Variants in FANK1 observed in about 807,000 individuals in gnomAD.
FANK1 encodes fibronectin type III and ankyrin repeat domains 1, also known as fibronectin type 3 and ankyrin repeat domains protein 1.
FANK1 carries 44 observed loss-of-function variants against 45.3 expected under a neutral mutation model. The ratio of observed to expected loss-of-function variants is 0.97; its 90% CI spans 0.76 to 1.25. The LOEUF is 1.25. Ranked by LOEUF, FANK1 falls within the 50% of genes most tolerant of loss-of-function variation. FANK1 has a pLI of 0.00. For missense variants in FANK1, 391 were observed against 424.4 expected, an observed-to-expected ratio of 0.92 and a Z score of 0.69; for synonymous variants, 149 against 152.5, an observed-to-expected ratio of 0.98 and a Z score of 0.17.
intron 1 of FANK1, among the ~76,000 whole-genome samples, chr10:125,977,219 G>A (rs1950907426): frequency 1.3e-5 from 2 of 152,292 alleles, no homozygotes; most frequent in South Asian, 4.1e-4. Flanking sequence ...TCTCATCTGA[G>A]TGTGGGTGTT....
chr10:126,003,678 A>ATTTTTT (rs71029278), intron 6 of FANK1, among the ~76,000 whole-genome samples: 1 of 151,266 alleles, frequency 6.6e-6, no homozygotes. Context: ...TTTTTTATTT[A>ATTTTTT]TTTTTTTTAT....
At chr10:125,990,880 G>A (rs1232394537) in intron 3 of FANK1, among the ~76,000 whole-genome samples, 1 of 152,138 alleles carries the variant, frequency 6.6e-6, no homozygotes, top group Non-Finnish European at 1.5e-5. Flanking sequence ...TGTCTTCCAC[G>A]GCGGCAGGCA....
intron 6 of FANK1, among the ~76,000 whole-genome samples, chr10:125,999,885 G>A (rs1486668001): frequency 6.6e-6 from 1 of 152,214 alleles, no homozygotes; most frequent in Non-Finnish European, 1.5e-5. Context: ...TTAAGAAGAT[G>A]TGAACTGAGA....
chr10:125,898,072 T>C (rs961051296), intron 1 of FANK1, among the ~76,000 whole-genome samples: 2 of 148,380 alleles, frequency 1.3e-5, no homozygotes, highest in Admixed American at 6.7e-5. Context: ...TCCTAGCTAT[T>C]TGGGACGCTG....
Position 125,980,340 on chromosome 10 carries a change from T to C in FANK1, c.191+2T>C, listed in dbSNP as rs1242347292. ...GCACACTTATGGTATCATTTATACGTAGGTGCAGTGTTGAATTGCTTGCCA... is the reference window on the plus strand; with the variant it reads ...GCACACTTATGGTATCATTTATACGCAGGTGCAGTGTTGAATTGCTTGCCA... On this transcript the variant is annotated splice_donor_variant, in intron 2 of 10. Coordinates refer to ENST00000368693, the MANE Select transcript of FANK1 (RefSeq NM_145235.5). LOFTEE classifies it high-confidence loss of function. 6.2e-7 allele frequency: 1 copy of C among 1,612,916 alleles called. No individual in the cohort carries two copies. The highest frequency in any genetic ancestry group is 1.7e-5 in the Admixed American group (1 of 59,738).
chr10:125,974,345 G>A (rs897130115), intron 1 of FANK1, among the ~76,000 whole-genome samples: 7 of 152,156 alleles, frequency 4.6e-5, no homozygotes, highest in Non-Finnish European at 1.0e-4. Flanking sequence ...TTCAGAGGGT[G>A]CTGGTCAGCT....
intron 1 of FANK1, among the ~76,000 whole-genome samples, chr10:125,948,116 T>C (rs1253587248): frequency 2.8e-5 from 4 of 142,816 alleles, no homozygotes; most frequent in Admixed American, 2.8e-4. Context: ...TTCAAAGCAG[T>C]GTGTAGAGGG....
At chr10:125,976,754 C>T (rs1387648883) in intron 1 of FANK1, among the ~76,000 whole-genome samples, 1 of 152,092 alleles carries the variant, frequency 6.6e-6, no homozygotes, top group Non-Finnish European at 1.5e-5. Context: ...TCCTGAGTAG[C>T]TGGGACTACA....
chr10:125,998,935 A>G (rs1952544805), intron 6 of FANK1, among the ~76,000 whole-genome samples: 1 of 152,180 alleles, frequency 6.6e-6, no homozygotes, highest in African/African-American at 2.4e-5. Flanking sequence ...GCTTTTCCAG[A>G]GCAGAGAGGA....
At chr10:125,930,376 AC>A (rs1349433667) in intron 1 of FANK1, among the ~76,000 whole-genome samples, 9 of 150,892 alleles carry the variant, frequency 6.0e-5, no homozygotes, top group African/African-American at 2.0e-4. Context: ...TTGCTGTGTC[AC>A]CCCAGCTGGA....
chr10:125,946,483 T>G (rs1178252905), intron 1 of FANK1, among the ~76,000 whole-genome samples: 1 of 152,060 alleles, frequency 6.6e-6, no homozygotes, highest in African/African-American at 2.4e-5. Flanking sequence ...GGAGCTGATG[T>G]GATCAACTGG....
At chr10:125,935,110 A>T (rs189514268) in intron 1 of FANK1, among the ~76,000 whole-genome samples, 174 of 152,230 alleles carry the variant, frequency 1.1e-3, no homozygotes, top group Non-Finnish European at 1.6e-3. Flanking sequence ...TCCTACTCTG[A>T]TAGAGACACC....
chr10:126,004,974 C>T lies in FANK1; in HGVS notation c.630C>T (p.Gly210=). The T allele has an allele frequency of 6.2e-7, 1 of 1,614,168 alleles. No individual in the cohort carries two copies. The change falls in exon 7 of 11, where the codon GGC becomes GGT. Residue 210 remains glycine (G), a synonymous_variant. Transcript: ENST00000368693. ...CTTGGCAGGCTAGAGACCTGGGAGG[C>T]TGTACAGCTCTGCACTGGGCTGCAG... is the stretch of plus-strand genomic sequence containing the variant. ...GASWQARDLG[G]CTALHWAADG... is the part of the protein sequence containing the mutation.
chr10:125,989,213 G>T (rs1590187322), intron 3 of FANK1: 1 of 1,442,616 alleles, frequency 6.9e-7, no homozygotes, highest in South Asian at 1.2e-5. Flanking sequence ...CCTTCAGCCG[G>T]CTGAGTTTTA....
At chr10:125,977,314 G>A (rs776369738) in intron 1 of FANK1, among the ~76,000 whole-genome samples, 2 of 152,162 alleles carry the variant, frequency 1.3e-5, no homozygotes, top group South Asian at 2.1e-4. Flanking sequence ...GTCTTTATTT[G>A]AAGCTTACTT....
rs545964353 is a variant in FANK1 at position 125,946,193 on chromosome 10, C to A, written c.14-33968C>A. Among the ~76,000 whole-genome samples, 702 of 151,958 alleles carry A rather than the reference C, an allele frequency of 4.6e-3. 3 individuals carry two copies. The highest frequency in any genetic ancestry group is 0.016 in the African/African-American group (647 of 41,456). ...CAGAAAAACTGGAAACTCTAAAACG[C>A]AGAGCACCTCTCCTCCTCCAAAGGA... On this transcript the variant is annotated intron_variant, in intron 1 of 10. Transcript: ENST00000368693.
At chr10:125,901,553 G>A (rs1440548954) in intron 1 of FANK1, among the ~76,000 whole-genome samples, 1 of 152,214 alleles carries the variant, frequency 6.6e-6, no homozygotes, top group South Asian at 2.1e-4. Flanking sequence ...GATCTTAGAT[G>A]TATTATGCTT....
intron 7 of FANK1, 80 bp downstream of exon 7, chr10:126,005,129 G>A: frequency 6.7e-7 from 1 of 1,484,176 alleles, no homozygotes; most frequent in South Asian, 1.4e-5. Flanking sequence ...CAGAAGCAGG[G>A]CCTTTGATTA....
intron 6 of FANK1, among the ~76,000 whole-genome samples, chr10:126,000,788 C>T (rs1368475034): frequency 2.0e-5 from 3 of 152,052 alleles, no homozygotes; most frequent in African/African-American, 7.2e-5. Flanking sequence ...AGACAAATTA[C>T]CAGCATCTTT....
Sources: allele counts gnomAD v4.1 joint callset (sites outside exome capture counted in the v4.1 genomes callset), GRCh38; gene constraint gnomAD v4.1.1; transcripts MANE v1.5; gene names NCBI Gene and HGNC (gene_info 2026-07-23, HGNC 2026-07-21).